MROH6: variants seen among roughly 807,000 people sequenced by gnomAD.
The protein encoded by MROH6 is maestro heat-like repeat-containing protein family member 6.
A neutral mutation model predicts 67.7 loss-of-function variants in MROH6; 62 were observed. The ratio of observed to expected loss-of-function variants is 0.92; its 90% CI spans 0.75 to 1.13. The LOEUF (loss-of-function observed/expected upper bound fraction) is 1.13, where lower values mean the gene tolerates loss of function less well. Ranked by LOEUF, MROH6 falls within the 50% of genes most tolerant of loss-of-function variation. The probability of loss-of-function intolerance (pLI) is 0.00; values close to 1 mark genes in which losing one functional copy is unlikely to be tolerated. For synonymous variants in MROH6, 566 were observed against 470.8 expected (o/e 1.20, Z -2.62); for missense variants, 1,175 against 1,029.1 (o/e 1.14, Z -1.94).
Position 143,567,660 on chromosome 8 carries a change from G to A in MROH6, c.1884C>T (p.His628=), listed in dbSNP as rs369511578. ...CCTGGTTGACACAGCCGGGGCTGGC[G>A]TGGTGGACAAGGAAGCCTGGACCAC... ...AAVLIGFLVH[H]ASPGCVNQDL... The change falls in exon 13 of 14, where the codon CAC becomes CAT. Residue 628 remains histidine, a synonymous_variant. Transcript: ENST00000398882. 223 of 1,576,886 alleles carry A rather than the reference G, an allele frequency of 1.4e-4. No individual in the cohort carries two copies. Among genetic ancestry groups the A allele is most frequent in the Non-Finnish European group, 1.8e-4 (208 of 1,162,262 alleles).
chr8:143,567,163 G>T lies in MROH6; in HGVS notation c.*76C>A. 1.2e-6 allele frequency: 1 copy of T among 850,120 alleles called. No homozygotes were observed. The allele number at this position is 850,120 out of a possible 1,614,324, so 52.7% of individuals were successfully genotyped here. A position where few individuals can be genotyped will look rare whatever the true frequency, so the allele number is the denominator to read the frequency against. ...AGCACCAGGCCCAGGGAGCCCCTCCGTCAGGGCGGGGACAGGCTGCTATGC... is the reference window on the plus strand; with the variant it reads ...AGCACCAGGCCCAGGGAGCCCCTCCTTCAGGGCGGGGACAGGCTGCTATGC... On this transcript the variant is annotated 3_prime_UTR_variant, in exon 14 of 14. Coordinates refer to ENST00000398882, the MANE Select transcript of MROH6 (RefSeq NM_001100878.2).
chr8:143,567,093 AAG>A lies in MROH6; in HGVS notation c.*144_*145del. ...TCACCATCAGGGTGGTGGGTGCCTG[AAG>A]AGGGGTCACGGGGGTGGGGGGTGGG... On this transcript the variant is annotated 3_prime_UTR_variant, in exon 14 of 14. Coordinates refer to ENST00000398882, the MANE Select transcript of MROH6 (RefSeq NM_001100878.2). 1 of 296,110 alleles carries A rather than the reference AAG, an allele frequency of 3.4e-6. No homozygotes were observed. Among genetic ancestry groups the A allele is most frequent in the Non-Finnish European group, 5.2e-6 (1 of 192,098 alleles). The allele number at this position is 296,110 out of a possible 1,614,324, so 18.3% of individuals were successfully genotyped here.
Position 143,569,733 on chromosome 8 carries a change from C to G in MROH6, c.1266G>C (p.Leu422=), listed in dbSNP as rs1823888141. ...TCAGCGCGAGGTGGCCCAGGCCCAG[C>G]AGGCCCAACCAGCGCACAGTGGGTT... The part of the protein sequence containing the change: ...DPEPTVRWLG[L]LGLGHLALNR... Residue 422 remains leucine, a synonymous_variant, in exon 8 of 14, where the codon CTG becomes CTC. Coordinates refer to ENST00000398882, the MANE Select transcript of MROH6 (RefSeq NM_001100878.2). 6.2e-7 allele frequency: 1 copy of G among 1,613,080 alleles called. No homozygotes were observed. The highest frequency in any genetic ancestry group is 8.5e-7 in the Non-Finnish European group (1 of 1,179,736).
rs1169399096 is a variant in MROH6 at position 143,567,328 on chromosome 8, C to T, written c.2071G>A (p.Ala691Thr). The T allele has an allele frequency of 3.3e-6, 4 of 1,217,804 alleles. No individual in the cohort carries two copies. The highest frequency in any genetic ancestry group is 8.2e-5 in the South Asian group (2 of 24,424). The allele number at this position is 1,217,804 out of a possible 1,614,324, so 75.4% of individuals were successfully genotyped here. ...PRLLRIAPRPARPPPVFADSP... is the reference protein window; with the variant it reads ...PRLLRIAPRPTRPPPVFADSP... ...TCGGCGAAGACTGGTGGGGGCCGGG[C>T]GGGGCGCGGGGCGATGCGGAGAAGG... Residue 691 changes from alanine (A) to threonine (T), a missense_variant, in exon 14 of 14, where the codon GCC becomes ACC. Physicochemically the swap from Ala to Thr is moderately conservative, Grantham distance 58 (BLOSUM62 0). Coordinates refer to ENST00000398882, the MANE Select transcript of MROH6 (RefSeq NM_001100878.2).
chr8:143,570,851 C>A, intron 4 of MROH6, 26 bp downstream of exon 4: 1 of 1,459,296 alleles, frequency 6.9e-7, no homozygotes, highest in South Asian at 1.2e-5. Context: ...CGCCCCCACC[C>A]CCTGGTAATG....
chr8:143,570,241 A>AC lies in MROH6; in HGVS notation c.1043+1dup. The AC allele has an allele frequency of 6.3e-7, 1 of 1,578,810 alleles. No homozygotes were observed. On this transcript the variant is annotated splice_donor_variant, in intron 6 of 13. Coordinates refer to ENST00000398882, the MANE Select transcript of MROH6 (RefSeq NM_001100878.2). LOFTEE classifies it high-confidence loss of function. The stretch of plus-strand genomic sequence containing the variant: ...CCTGGGGCCCCTCCTCACCCTCCTC[A>AC]CCTGGCCAGCAGCAGGACGCCCTCC...
intron 10 of MROH6, 136 bp downstream of exon 10, chr8:143,568,416 C>T: frequency 1.4e-6 from 2 of 1,431,702 alleles, no homozygotes; most frequent in South Asian, 1.4e-5. Flanking sequence ...CAGTAGTAAC[C>T]TGGCCGCCCG....
In MROH6 at chr8:143,568,601, AGACTCT is replaced by A; in HGVS notation, c.1589_1594del (p.Gln530_Ser531del). On this transcript the variant is annotated inframe_deletion, in exon 10 of 14. Coordinates refer to ENST00000398882, the MANE Select transcript of MROH6 (RefSeq NM_001100878.2). ...ATGCAGGCGCAGCAGCAGCGGCACG[AGACTCT>A]GCAGCACCAGCTTCCGCAGGGGGCC... is the stretch of plus-strand genomic sequence containing the variant. The A allele has an allele frequency of 1.3e-6, 2 of 1,546,770 alleles. No individual in the cohort carries two copies.
chr8:143,570,852 C>CCCCGGGA, intron 4 of MROH6, 25 bp downstream of exon 4: 1 of 1,470,562 alleles, frequency 6.8e-7, no homozygotes, highest in Non-Finnish European at 9.2e-7. Flanking sequence ...GCCCCCACCC[C>CCCCGGGA]CTGGTAATGG....
Position 143,566,207 on chromosome 8 carries a change from GTTTA to G in MROH6, c.*1028_*1031del, listed in dbSNP as rs748687495. 4.6e-5 allele frequency: 7 copies of G among 152,250 alleles called. No individual in the cohort carries two copies. The highest frequency in any genetic ancestry group is 9.6e-5 in the African/African-American group (4 of 41,460). The allele number at this position is 152,250 out of a possible 1,614,324, so 9.4% of individuals were successfully genotyped here. On this transcript the variant is annotated 3_prime_UTR_variant, in exon 14 of 14. Coordinates refer to ENST00000398882, the MANE Select transcript of MROH6 (RefSeq NM_001100878.2). ...TGCCCAACGCTTTCCATCCACGTGT[GTTTA>G]TTTTAGATGCTTTCTGTGTGGGAGC... is the stretch of plus-strand genomic sequence containing the variant.
chr8:143,568,755 A>C (rs13279011), intron 9 of MROH6, 36 bp from the exon 10 acceptor site: 1 of 1,373,722 alleles, frequency 7.3e-7, no homozygotes, highest in Non-Finnish European at 9.6e-7. Context: ...AGGCGGAGAC[A>C]GAGAGGGGCT....
chr8:143,567,429 A>ATATG lies in MROH6; in HGVS notation c.1969_1970insCATA (p.Val657AlafsTer84). On this transcript the variant is annotated frameshift_variant, in exon 14 of 14. Coordinates refer to ENST00000398882, the MANE Select transcript of MROH6 (RefSeq NM_001100878.2). LOFTEE classifies it low-confidence loss of function (END_TRUNC). ...AGCGGACACGTGCGCTGCCGCGGCC[A>ATATG]CAGCCGGCTTGGGGTCGCTCTGCAG... 1 of 1,328,006 alleles carries ATATG rather than the reference A, an allele frequency of 7.5e-7. No individual in the cohort carries two copies. Among genetic ancestry groups the ATATG allele is most frequent in the South Asian group, 2.0e-5 (1 of 50,350 alleles). The allele number at this position is 1,328,006 out of a possible 1,614,324, so 82.3% of individuals were successfully genotyped here.
At chr8:143,570,148 G>A in intron 6 of MROH6, 83 bp from the exon 7 acceptor site, 1 of 1,564,862 alleles carries the variant, frequency 6.4e-7, no homozygotes, top group Non-Finnish European at 8.6e-7. Flanking sequence ...CCACCCTCAT[G>A]CCCCTGCCTT....
At position 143,569,827 on chromosome 8, in the gene MROH6, C is replaced by G. The variant is rs763730197; in HGVS notation, c.1172G>C (p.Arg391Pro). 1.9e-6 allele frequency: 3 copies of G among 1,610,986 alleles called. No individual in the cohort carries two copies. Among genetic ancestry groups the G allele is most frequent in the Non-Finnish European group, 2.5e-6 (3 of 1,179,020 alleles). The change falls in exon 8 of 14, where the codon CGG becomes CCG. Residue 391 changes from arginine to proline, a missense_variant. Physicochemically the swap from Arg to Pro is moderately radical, Grantham distance 103. Transcript: ENST00000398882. ...CTCCCGCAGGAGCCGTGCGGTGGGC[C>G]GGCTCTGCAACAGCTAGGCGAGGCA... ...MAFFTGLLQSRPTARLLREEV... is the reference protein window; with the variant it reads ...MAFFTGLLQSPPTARLLREEV...
intron 1 of MROH6, 51 bp from the exon 2 acceptor site, chr8:143,572,236 T>C: frequency 1.3e-6 from 2 of 1,590,562 alleles, no homozygotes; most frequent in Non-Finnish European, 1.7e-6. Flanking sequence ...CTCCTAGCTC[T>C]CCTCCTGGTC....
rs752874213 is a variant in MROH6 at position 143,567,795 on chromosome 8, C to G, written c.1858G>C (p.Val620Leu). The G allele has an allele frequency of 6.5e-7, 1 of 1,548,730 alleles. No homozygotes were observed. The highest frequency in any genetic ancestry group is 1.8e-4 in the Middle Eastern group (1 of 5,668). The change falls in exon 12 of 14, where the codon GTG (valine) becomes CTG (leucine). Residue 620 changes from valine (V) to leucine (L), a missense_variant. Transcript: ENST00000398882. ...CCCCGGGCGGCCTCACCTATAAGCA[C>G]GGCGGCTGCCCGGCGCAGGGGGTCC... ...PQDPLRRAAA[V>L]LIGFLVHHAS...
rs752127289 is a variant in MROH6, at chr8:143,570,260, G to A, written c.1026C>T (p.Gly342=). 1.9e-6 allele frequency: 3 copies of A among 1,586,066 alleles called. No individual in the cohort carries two copies. Among genetic ancestry groups the A allele is most frequent in the Non-Finnish European group, 1.7e-6 (2 of 1,168,218 alleles). The change falls in exon 6 of 14, where the codon GGC becomes GGT. Residue 342 remains glycine (G), a synonymous_variant. Transcript: ENST00000398882. ...RLVGAHTHLE[G]VLLLASAMVA... ...CTCCTCACCTGGCCAGCAGCAGGACGCCCTCCAGGTGGGTGTGGGCTCCCA... is the reference window on the plus strand; with the variant it reads ...CTCCTCACCTGGCCAGCAGCAGGACACCCTCCAGGTGGGTGTGGGCTCCCA...
In MROH6 at chr8:143,570,937, C is replaced by T; in HGVS notation, c.660G>A (p.Val220=). ...LSRNQRVNGQ[V]LVQLLWALKG... ...TCAGCGCCCACAGCAGTTGCACCAGCACCTGCCCATTTACACGCTGGTTAC... is the reference window on the plus strand; with the variant it reads ...TCAGCGCCCACAGCAGTTGCACCAGTACCTGCCCATTTACACGCTGGTTAC... The change falls in exon 4 of 14, where the codon GTG becomes GTA. Residue 220 remains valine, a synonymous_variant. Coordinates refer to ENST00000398882, the MANE Select transcript of MROH6 (RefSeq NM_001100878.2). The T allele has an allele frequency of 6.5e-7, 1 of 1,549,132 alleles. No homozygotes were observed. Among genetic ancestry groups the T allele is most frequent in the South Asian group, 1.2e-5 (1 of 83,988 alleles).
rs996608291 is a variant in MROH6 at position 143,568,726 on chromosome 8, G to T, written c.1477-7C>A. The T allele has an allele frequency of 4.7e-6, 7 of 1,475,240 alleles. No homozygotes were observed. The African/African-American group carries it at 8.5e-5, about 18-fold the overall frequency. The allele number at this position is 1,475,240 out of a possible 1,614,324, so 91.4% of individuals were successfully genotyped here. A position where few individuals can be genotyped will look rare whatever the true frequency, so the allele number is the denominator to read the frequency against. The stretch of plus-strand genomic sequence containing the variant: ...CGCGGATTGAGTCCCGTGTCTGCGT[G>T]GGAGGGCGCAGTCAGGGCAGGCGGA... On this transcript the variant is annotated splice_polypyrimidine_tract_variant and splice_region_variant and intron_variant, in intron 9 of 13. Coordinates refer to ENST00000398882, the MANE Select transcript of MROH6 (RefSeq NM_001100878.2).
Sources: allele counts gnomAD v4.1 joint callset, GRCh38; gene constraint gnomAD v4.1.1; transcripts MANE v1.5; gene names NCBI Gene and HGNC (gene_info 2026-07-23, HGNC 2026-07-21).